The following PIK3R4 variants were observed in gnomAD, a reference collection of about 807,000 sequenced individuals.
PIK3R4 encodes the protein phosphoinositide-3-kinase regulatory subunit 4, also known as phosphoinositide 3-kinase regulatory subunit 4.
A neutral mutation model predicts 136.5 loss-of-function variants in PIK3R4; 46 were observed. The observed-to-expected ratio is 0.34, with a 90% confidence interval of 0.27 to 0.43. PIK3R4 has a LOEUF of 0.43. PIK3R4 is among the 20% of genes least tolerant of loss of function. The pLI is 1.00. For missense variants in PIK3R4, 1,331 were observed against 1,649.5 expected (o/e 0.81, Z 3.35); for synonymous variants, 557 against 566.7 (o/e 0.98, Z 0.24).
Position 130,745,239 on chromosome 3 carries a change from T to C in PIK3R4, c.-21A>G. On this transcript the variant is annotated 5_prime_UTR_variant, in exon 2 of 20. Coordinates refer to ENST00000356763, the MANE Select transcript of PIK3R4 (RefSeq NM_014602.3). ...CCCATAATGGCAAGCACCTCTGTGG[T>C]CTTTAGTAAGGTTAGGATATAATAC... 1 of 1,569,824 alleles carries C rather than the reference T, an allele frequency of 6.4e-7. No individual in the cohort carries two copies. Among genetic ancestry groups the C allele is most frequent in the Non-Finnish European group, 8.6e-7 (1 of 1,167,300 alleles).
intron 3 of PIK3R4, among the ~76,000 whole-genome samples, chr3:130,735,633 T>G (rs991990300): frequency 2.6e-5 from 4 of 152,174 alleles, no homozygotes; most frequent in Admixed American, 2.6e-4. Context: ...CTGAAGATTA[T>G]AGTGGGAAAA....
At chr3:130,691,957 C>A (rs2066522241) in intron 13 of PIK3R4, among the ~76,000 whole-genome samples, 1 of 149,402 alleles carries the variant, frequency 6.7e-6, no homozygotes, top group Non-Finnish European at 1.5e-5. Context: ...TCACCACAAG[C>A]TCTGCCTCCT....
At position 130,719,860 on chromosome 3, in the gene PIK3R4, C is replaced by CTA. The variant is rs143900880; in HGVS notation, c.1982-1328_1982-1327dup. Among the ~76,000 whole-genome samples the CTA allele has an allele frequency of 8.4e-3, 1,283 of 152,238 alleles. 20 individuals are homozygous for CTA. Among genetic ancestry groups the CTA allele is most frequent in the East Asian group, 0.052 (270 of 5,186 alleles). ...ACGACAAACAGGAATCTGAAATGTGCTATATAGCTGGGTTTGCCCTCTCGT... is the reference window on the plus strand; with the variant it reads ...ACGACAAACAGGAATCTGAAATGTGCTATATATAGCTGGGTTTGCCCTCTCGT... On this transcript the variant is annotated intron_variant, in intron 7 of 19. Coordinates refer to ENST00000356763, the MANE Select transcript of PIK3R4 (RefSeq NM_014602.3).
At chr3:130,693,826 C>A (rs990020845) in intron 13 of PIK3R4, among the ~76,000 whole-genome samples, 2 of 152,076 alleles carry the variant, frequency 1.3e-5, no homozygotes, top group Non-Finnish European at 2.9e-5. Flanking sequence ...GTGTTTTTCA[C>A]GTAATTTCTC....
intron 13 of PIK3R4, among the ~76,000 whole-genome samples, chr3:130,692,180 G>T (rs1158219942): frequency 6.6e-6 from 1 of 151,804 alleles, no homozygotes; most frequent in African/African-American, 2.4e-5. Context: ...TGGCCTAGTT[G>T]TTTTTCTTAA....
chr3:130,723,470 A>G lies in PIK3R4; in HGVS notation c.1925T>C (p.Met642Thr). Reference protein sequence around the residue: ...IVKALYALTCMCQLGLLQKPH... With the variant: ...IVKALYALTCTCQLGLLQKPH... ...TTTTTGTAGCAGTCCTAACTGGCAC[A>G]TACAAGTAAGGGCATAAAGAGCTTT... The change falls in exon 7 of 20, where the codon ATG becomes ACG. Residue 642 changes from methionine (M) to threonine (T), a missense_variant. By Grantham distance (81) the Met-to-Thr change is moderately conservative. This residue lies in a region of PIK3R4 where 1,180 missense variants were observed against 1,407.0 expected (regional missense o/e 0.84). Coordinates refer to ENST00000356763, the MANE Select transcript of PIK3R4 (RefSeq NM_014602.3). 6.2e-7 allele frequency: 1 copy of G among 1,613,774 alleles called. No individual in the cohort carries two copies. The highest frequency in any genetic ancestry group is 8.5e-7 in the Non-Finnish European group (1 of 1,179,782).
intron 9 of PIK3R4, 149 bp downstream of exon 9, chr3:130,716,247 A>C: frequency 3.1e-6 from 2 of 638,388 alleles, no homozygotes; most frequent in South Asian, 4.0e-5. Context: ...AGGAATCAAA[A>C]GCAAATGCCT....
chr3:130,710,106 T>C (rs147718019), intron 9 of PIK3R4, among the ~76,000 whole-genome samples: 1 of 152,106 alleles, frequency 6.6e-6, no homozygotes, highest in African/African-American at 2.4e-5. Flanking sequence ...AGGAAAACTA[T>C]AGGATAAGGT....
intron 9 of PIK3R4, among the ~76,000 whole-genome samples, chr3:130,715,532 T>C (rs2066659998): frequency 6.6e-6 from 1 of 152,192 alleles, no homozygotes. Flanking sequence ...CTTTTTTTCA[T>C]ATGTTTGTTG....
At chr3:130,697,063 C>CTGTT (rs2066549914) in intron 13 of PIK3R4, among the ~76,000 whole-genome samples, 1 of 73,024 alleles carries the variant, frequency 1.4e-5, no homozygotes, top group African/African-American at 6.3e-5. Flanking sequence ...GCCACTCCAG[C>CTGTT]TTTTTTTTTT....
intron 2 of PIK3R4, among the ~76,000 whole-genome samples, chr3:130,742,090 G>A (rs960903931): frequency 7.9e-5 from 12 of 152,148 alleles, no homozygotes; most frequent in African/African-American, 9.6e-5. Context: ...GTCAGGACTC[G>A]CTGAACACTT....
rs375568050 is a variant in PIK3R4 at position 130,686,372 on chromosome 3, T to G, written c.3314A>C (p.Asn1105Thr). The change falls in exon 15 of 20, where the codon AAC becomes ACC. Residue 1105 changes from asparagine (N) to threonine (T), a missense_variant. By Grantham distance (65) the Asn-to-Thr change is moderately conservative. This residue lies in a region of PIK3R4 where 1,180 missense variants were observed against 1,407.0 expected (regional missense o/e 0.84). Coordinates refer to ENST00000356763, the MANE Select transcript of PIK3R4 (RefSeq NM_014602.3). ...DGCVVDMHHFNSGAQSVLAYA... is the reference protein window; with the variant it reads ...DGCVVDMHHFTSGAQSVLAYA... Reference sequence around the variant, plus strand: ...GGCAAGAACAGACTGTGCTCCAGAGTTGAAGTGATGCATATCCACAACACA... The same window carrying G: ...GGCAAGAACAGACTGTGCTCCAGAGGTGAAGTGATGCATATCCACAACACA... 1.9e-6 allele frequency: 3 copies of G among 1,613,110 alleles called. No individual in the cohort carries two copies. The African/African-American group carries it at 4.0e-5, about 22-fold the overall frequency.
intron 13 of PIK3R4, among the ~76,000 whole-genome samples, chr3:130,691,798 A>G (rs775896572): frequency 2.0e-5 from 3 of 151,724 alleles, no homozygotes; most frequent in African/African-American, 4.8e-5. Context: ...ACATATTACA[A>G]TACATTCACA....
intron 15 of PIK3R4, among the ~76,000 whole-genome samples, chr3:130,685,465 T>C (rs2066484248): frequency 6.6e-6 from 1 of 152,174 alleles, no homozygotes. Flanking sequence ...TTAATGGAAA[T>C]ATATGTCCTT....
rs2066765362 is a variant in PIK3R4 at position 130,732,655 on chromosome 3, G to A, written c.1450+893C>T. Among the ~76,000 whole-genome samples the A allele has an allele frequency of 2.6e-5, 4 of 151,948 alleles. 1 individual carries two copies. The South Asian group carries it at 8.3e-4, about 32-fold the overall frequency. Reference sequence around the variant, plus strand: ...ACATAAATAAAAATATATGTATGAGGAAACATAAAAACACGTAACAATCAC... The same window carrying A: ...ACATAAATAAAAATATATGTATGAGAAAACATAAAAACACGTAACAATCAC... On this transcript the variant is annotated intron_variant, in intron 4 of 19. Transcript: ENST00000356763.
chr3:130,703,806 G>C lies in PIK3R4; in HGVS notation c.3015C>G (p.His1005Gln). 6.2e-7 allele frequency: 1 copy of C among 1,612,350 alleles called. No individual in the cohort carries two copies. Among genetic ancestry groups the C allele is most frequent in the Non-Finnish European group, 8.5e-7 (1 of 1,178,408 alleles). Residue 1005 changes from histidine to glutamine, a missense_variant, in exon 13 of 20, where the codon CAC becomes CAG. Coordinates refer to ENST00000356763, the MANE Select transcript of PIK3R4 (RefSeq NM_014602.3). ...CATTTGAACATGTTGCAAAAAGTGAGTGTTCATCAGAGACTCTAATTCGAT... is the reference window on the plus strand; with the variant it reads ...CATTTGAACATGTTGCAAAAAGTGACTGTTCATCAGAGACTCTAATTCGAT... ...AVNRIRVSDE[H>Q]SLFATCSNDG... is the part of the protein sequence containing the mutation.
Position 130,718,524 on chromosome 3 carries a change from C to A in PIK3R4, c.1992G>T (p.Leu664=). 6.2e-7 allele frequency: 1 copy of A among 1,613,766 alleles called. No individual in the cohort carries two copies. The highest frequency in any genetic ancestry group is 8.5e-7 in the Non-Finnish European group (1 of 1,179,806). Residue 664 remains leucine (L), a synonymous_variant, in exon 8 of 20, where the codon CTG becomes CTT. Coordinates refer to ENST00000356763, the MANE Select transcript of PIK3R4 (RefSeq NM_014602.3). ...YEFASDIAPF[L]CHPNLWIRYG... is the part of the protein sequence containing the mutation. ...AACGTATCCATAAATTGGGATGACACAGGAAGGGGGCTAAAGAGGAAAAGA... is the reference window on the plus strand; with the variant it reads ...AACGTATCCATAAATTGGGATGACAAAGGAAGGGGGCTAAAGAGGAAAAGA...
At chr3:130,736,198 TATAAAGTCAAAGA>T (rs2066784821) in intron 2 of PIK3R4, among the ~76,000 whole-genome samples, 196 bp from the exon 3 acceptor site, 1 of 152,112 alleles carries the variant, frequency 6.6e-6, no homozygotes, top group South Asian at 2.1e-4. Context: ...GTTTCTAAAG[TATAAAGTCAAAGA>T]AGAGCCATAC....
Position 130,690,533 on chromosome 3 carries a change from A to C in PIK3R4, c.3220T>G (p.Ser1074Ala). The change falls in exon 14 of 20, where the codon TCT (serine) becomes GCT (alanine). Residue 1074 changes from serine to alanine, a missense_variant. Transcript: ENST00000356763. ...GAVQLLGIEA[S>A]KLPKSPKIHP... ...ATTTTAGGAGACTTGGGCAGCTTAG[A>C]AGCCTCAATTCCAAGAAGCTGGACA... is the stretch of plus-strand genomic sequence containing the variant. 1 of 1,613,724 alleles carries C rather than the reference A, an allele frequency of 6.2e-7. No homozygotes were observed. The highest frequency in any genetic ancestry group is 8.5e-7 in the Non-Finnish European group (1 of 1,179,646).
Sources: gnomAD v4.1 joint callset for allele counts (sites outside exome capture counted in the v4.1 genomes callset) on GRCh38, gnomAD v4.1.1 for gene constraint, gnomAD v4.1.1 regional missense constraint, MANE v1.5 for transcripts, NCBI Gene and HGNC (gene_info 2026-07-23, HGNC 2026-07-21) for gene names.